TMEM117: variants seen among roughly 807,000 people sequenced by gnomAD.
TMEM117 encodes transmembrane protein 117.
TMEM117 carries 27 observed loss-of-function variants against 52.4 expected under a neutral mutation model. That is an observed-to-expected ratio of 0.51 (90% CI 0.38 to 0.71). The LOEUF (loss-of-function observed/expected upper bound fraction) is 0.71. Among genes scored for constraint, TMEM117 ranks in the 30% least tolerant of loss-of-function variants. The pLI, the probability that TMEM117 is intolerant of heterozygous loss-of-function variation, is 0.00. For missense variants in TMEM117, 556 were observed against 630.5 expected (o/e 0.88, Z 1.26); for synonymous variants, 215 against 206.3 (o/e 1.04, Z -0.36).
chr12:44,107,896 G>C (rs908860597), intron 3 of TMEM117, among the ~76,000 whole-genome samples: 14 of 152,280 alleles, frequency 9.2e-5, no homozygotes, highest in Admixed American at 2.0e-4. Context: ...TTTAAAAGTT[G>C]CTCATGTCCT....
chr12:43,804,696 G>A, the TMEM117 span: 1 of 573,632 alleles, frequency 1.7e-6, no homozygotes, highest in Non-Finnish European at 3.1e-6. Context: ...CTTATTATCA[G>A]TATTATAAAA....
At chr12:43,929,048 T>A (rs1944829866) in intron 2 of TMEM117, among the ~76,000 whole-genome samples, 1 of 151,854 alleles carries the variant, frequency 6.6e-6, no homozygotes, top group East Asian at 1.9e-4. Flanking sequence ...AGTGCCACAA[T>A]AAACATATGT....
chr12:43,935,560 AT>A (rs1010948523), intron 2 of TMEM117, among the ~76,000 whole-genome samples: 1 of 152,170 alleles, frequency 6.6e-6, no homozygotes, highest in African/African-American at 2.4e-5. Context: ...AAGGAGGAAT[AT>A]TTTTTCTTTT....
At chr12:44,048,442 C>T (rs1011659299) in intron 3 of TMEM117, among the ~76,000 whole-genome samples, 2 of 152,020 alleles carry the variant, frequency 1.3e-5, no homozygotes, top group African/African-American at 2.4e-5. Context: ...GGATTTAGCT[C>T]ATTAATTTTC....
At chr12:44,340,058 G>C (rs1951396510) in intron 6 of TMEM117, among the ~76,000 whole-genome samples, 4 of 152,064 alleles carry the variant, frequency 2.6e-5, no homozygotes, top group Admixed American at 2.0e-4. Flanking sequence ...GATTAGGATA[G>C]AGATTTGGAA....
intron 3 of TMEM117, among the ~76,000 whole-genome samples, chr12:44,043,508 C>T (rs558346025): frequency 2.6e-5 from 4 of 152,196 alleles, no homozygotes; most frequent in South Asian, 4.2e-4. Context: ...AACAGCTGCC[C>T]CATCCTCCAT....
At chr12:43,920,711 C>T (rs1467524394) in intron 2 of TMEM117, among the ~76,000 whole-genome samples, 1 of 152,006 alleles carries the variant, frequency 6.6e-6, no homozygotes, top group African/African-American at 2.4e-5. Context: ...CACCACCACA[C>T]CTGGCTCTAA....
chr12:44,369,846 C>A (rs1951838621), intron 6 of TMEM117, among the ~76,000 whole-genome samples: 1 of 152,022 alleles, frequency 6.6e-6, no homozygotes, highest in Non-Finnish European at 1.5e-5. Context: ...AGAGAAAACT[C>A]CAAAGAGTTA....
intron 4 of TMEM117, among the ~76,000 whole-genome samples, chr12:44,158,525 A>C (rs1242551346): frequency 6.6e-6 from 1 of 152,156 alleles, no homozygotes. Context: ...TCTTGAAAGC[A>C]CTTGACAAGA....
chr12:43,914,297 T>G (rs1488657861), intron 2 of TMEM117, among the ~76,000 whole-genome samples: 1 of 152,166 alleles, frequency 6.6e-6, no homozygotes, highest in Non-Finnish European at 1.5e-5. Context: ...CCTCTATTAC[T>G]GCTTTCTTCC....
intron 3 of TMEM117, among the ~76,000 whole-genome samples, chr12:44,078,888 G>A (rs1947429809): frequency 2.9e-5 from 1 of 34,360 alleles, no homozygotes; most frequent in Admixed American, 4.2e-4. Context: ...ACAGGCCCCA[G>A]TATGTGATGT....
At chr12:44,099,189 C>T (rs539034902) in intron 3 of TMEM117, among the ~76,000 whole-genome samples, 3 of 152,008 alleles carry the variant, frequency 2.0e-5, no homozygotes, top group Non-Finnish European at 4.4e-5. Context: ...GCTAATTATT[C>T]TTTAACAAAA....
At chr12:44,376,771 T>A in intron 7 of TMEM117, 47 bp downstream of exon 7, 1 of 1,547,850 alleles carries the variant, frequency 6.5e-7, no homozygotes, top group Non-Finnish European at 8.7e-7. Context: ...GTACATTAGT[T>A]AGGGTAATGC....
At chr12:44,013,072 A>G (rs1946320360) in intron 3 of TMEM117, among the ~76,000 whole-genome samples, 1 of 148,540 alleles carries the variant, frequency 6.7e-6, no homozygotes, top group Admixed American at 6.8e-5. Flanking sequence ...ACCCAAGCTC[A>G]TGTCCAGTAA....
At chr12:44,021,361 C>T (rs1212654664) in intron 3 of TMEM117, among the ~76,000 whole-genome samples, 4 of 152,062 alleles carry the variant, frequency 2.6e-5, no homozygotes, top group Admixed American at 6.6e-5. Flanking sequence ...TGAGAACGTG[C>T]GATCTGGCTT....
In TMEM117 at chr12:44,389,340, G is replaced by A. The variant is rs7974460; in HGVS notation, c.*668G>A. ...CCACCAGTAATTGAAATGAGGTGAT[G>A]ATACCTAATTATGTTTTCCTAATTA... On this transcript the variant is annotated 3_prime_UTR_variant, in exon 8 of 8. Coordinates refer to ENST00000266534, the MANE Select transcript of TMEM117 (RefSeq NM_032256.3). 0.15 allele frequency: 23,173 copies of A among 152,534 alleles called. 3,653 individuals carry two copies. Among genetic ancestry groups the A allele is most frequent in the African/African-American group, 0.4 (16,730 of 41,444 alleles). 9.4% of individuals were successfully genotyped at this position (152,534 alleles called of 1,614,324 possible).
chr12:44,218,937 G>A (rs1949754485), intron 5 of TMEM117, among the ~76,000 whole-genome samples: 1 of 152,152 alleles, frequency 6.6e-6, no homozygotes, highest in African/African-American at 2.4e-5. Flanking sequence ...GTGAACCTGG[G>A]AATCCAGTGT....
intron 7 of TMEM117, among the ~76,000 whole-genome samples, chr12:44,386,990 A>T (rs1952097220): frequency 6.6e-6 from 1 of 152,020 alleles, no homozygotes; most frequent in African/African-American, 2.4e-5. Context: ...CAAAAGAAAA[A>T]AGTTTTGGCA....
Position 44,228,463 on chromosome 12 carries a change from A to G in TMEM117, c.608+17076A>G, listed in dbSNP as rs1045320393. ...AACAGATAAAGTACCTTCTGTCAGG[A>G]CCTGCAGTTTACATTCTGGTGGAGT... On this transcript the variant is annotated intron_variant, in intron 5 of 7. Coordinates refer to ENST00000266534, the MANE Select transcript of TMEM117 (RefSeq NM_032256.3). 2.6e-5 allele frequency among the ~76,000 whole-genome samples: 4 copies of G among 152,148 alleles called. No homozygotes were observed. The South Asian group carries it at 8.3e-4, about 32-fold the overall frequency.
Sources: gnomAD v4.1 joint callset for allele counts (sites outside exome capture counted in the v4.1 genomes callset) on GRCh38, gnomAD v4.1.1 for gene constraint, MANE v1.5 for transcripts, NCBI Gene and HGNC (gene_info 2026-07-23, HGNC 2026-07-21) for gene names.